Variants in TCF12 observed in about 807,000 individuals in gnomAD.
The protein encoded by TCF12 is DNA-binding protein HTF4.
A neutral mutation model predicts 86.0 loss-of-function variants in TCF12; 45 were observed. The observed-to-expected ratio is 0.52, with a 90% confidence interval of 0.41 to 0.67. TCF12 has a LOEUF of 0.67. TCF12 is among the 30% of genes least tolerant of loss of function. The pLI is 0.00. For missense variants in TCF12, 881 were observed against 859.9 expected (o/e 1.02, Z -0.31); for synonymous variants, 330 against 299.6 (o/e 1.10, Z -1.05).
chr15:57,172,842 T>C (rs1185092980), intron 6 of TCF12, among the ~76,000 whole-genome samples: 2 of 152,014 alleles, frequency 1.3e-5, no homozygotes, highest in Non-Finnish European at 2.9e-5. Flanking sequence ...GACTCATGCC[T>C]GTAACCCCAG....
intron 8 of TCF12, among the ~76,000 whole-genome samples, chr15:57,213,551 G>A (rs2058205084): frequency 6.6e-6 from 1 of 152,102 alleles, no homozygotes; most frequent in Non-Finnish European, 1.5e-5. Context: ...TTTTTGAAAT[G>A]GTTCTGGGCT....
intron 5 of TCF12, among the ~76,000 whole-genome samples, chr15:57,151,070 T>C (rs1185733041): frequency 1.3e-5 from 2 of 151,708 alleles, no homozygotes; most frequent in Non-Finnish European, 2.9e-5. Context: ...CCTTGAACTA[T>C]TGGATCAAGT....
intron 3 of TCF12, among the ~76,000 whole-genome samples, chr15:57,005,101 A>G (rs2064271435): frequency 6.6e-6 from 1 of 152,240 alleles, no homozygotes; most frequent in Admixed American, 6.5e-5. Context: ...TTGAAGACAT[A>G]TGATCAGGGT....
intron 5 of TCF12, among the ~76,000 whole-genome samples, chr15:57,117,702 T>G (rs1443801942): frequency 1.3e-5 from 2 of 152,232 alleles, no homozygotes; most frequent in Non-Finnish European, 2.9e-5. Flanking sequence ...TTTTCTGTTA[T>G]TGGTAAATTA....
intron 13 of TCF12, chr15:57,247,896 A>G (rs2059934684): frequency 2.6e-6 from 2 of 762,772 alleles, no homozygotes; most frequent in Non-Finnish European, 4.8e-6. Context: ...TGTCTCTTAA[A>G]CTATCATCTG....
At chr15:56,995,558 T>A (rs1193187536) in intron 3 of TCF12, among the ~76,000 whole-genome samples, 3 of 152,096 alleles carry the variant, frequency 2.0e-5, no homozygotes, top group African/African-American at 7.2e-5. Context: ...CTAGATATTT[T>A]ATTTTTGTGG....
At chr15:57,150,498 AT>A (rs1223188694) in intron 5 of TCF12, among the ~76,000 whole-genome samples, 1 of 152,190 alleles carries the variant, frequency 6.6e-6, no homozygotes, top group African/African-American at 2.4e-5. Flanking sequence ...GAGCAAACTG[AT>A]TCCAAGTCAC....
At chr15:57,154,231 C>A (rs896761198) in intron 5 of TCF12, among the ~76,000 whole-genome samples, 1 of 152,096 alleles carries the variant, frequency 6.6e-6, no homozygotes, top group East Asian at 1.9e-4. Context: ...AGAATAGGGT[C>A]TTCGCTAGAT....
intron 3 of TCF12, among the ~76,000 whole-genome samples, chr15:56,998,911 A>G (rs2063861026): frequency 6.6e-6 from 1 of 152,214 alleles, no homozygotes. Context: ...CTTAGAAATT[A>G]GACATGGCTG....
At chr15:57,197,450 A>G (rs2057329154) in intron 7 of TCF12, among the ~76,000 whole-genome samples, 1 of 152,116 alleles carries the variant, frequency 6.6e-6, no homozygotes, top group South Asian at 2.1e-4. Context: ...GAGCCACCAC[A>G]TCCGGCCGAA....
intron 13 of TCF12, chr15:57,247,378 A>T: frequency 3.0e-6 from 2 of 660,586 alleles, no homozygotes; most frequent in South Asian, 3.2e-5. Context: ...AGTTTCCTCC[A>T]TAATAAAATT....
At chr15:57,185,786 G>A (rs1220072680) in intron 6 of TCF12, among the ~76,000 whole-genome samples, 4 of 152,146 alleles carry the variant, frequency 2.6e-5, no homozygotes, top group Non-Finnish European at 5.9e-5. Flanking sequence ...GGAGACTGAG[G>A]TAGGAAGATC....
intron 5 of TCF12, among the ~76,000 whole-genome samples, chr15:57,159,012 T>C (rs1293995974): frequency 3.3e-5 from 5 of 152,244 alleles, no homozygotes; most frequent in Non-Finnish European, 4.4e-5. Flanking sequence ...AAAAATCTGG[T>C]CAATTAAGAT....
intron 3 of TCF12, among the ~76,000 whole-genome samples, chr15:56,976,105 T>C (rs1371592734): frequency 2.0e-5 from 3 of 151,956 alleles, no homozygotes; most frequent in Non-Finnish European, 2.9e-5. Context: ...TGGAGGATGC[T>C]AATGAAACAG....
Position 57,218,001 on chromosome 15 carries a change from G to C in TCF12, c.580-13151G>C, listed in dbSNP as rs533582098. On this transcript the variant is annotated intron_variant, in intron 8 of 20. Transcript: ENST00000333725. ...GCTTAGCCTTTTCTATATCTGGAGA[G>C]TGTGGGGAGGTTTTATTGTTGTTCC... is the stretch of plus-strand genomic sequence containing the variant. 5.9e-5 allele frequency among the ~76,000 whole-genome samples: 9 copies of C among 152,280 alleles called. No individual in the cohort carries two copies. The East Asian group carries it at 1.7e-3, about 29-fold the overall frequency.
At chr15:57,215,414 G>A (rs773531525) in intron 8 of TCF12, among the ~76,000 whole-genome samples, 4 of 152,162 alleles carry the variant, frequency 2.6e-5, no homozygotes, top group Non-Finnish European at 4.4e-5. Context: ...ATTACTTACC[G>A]AGTTCATCCT....
At chr15:57,024,967 A>G (rs1371968952) in intron 3 of TCF12, among the ~76,000 whole-genome samples, 2 of 152,152 alleles carry the variant, frequency 1.3e-5, no homozygotes, top group African/African-American at 2.4e-5. Context: ...TGGCTTATTC[A>G]TTGTATTTTT....
intron 4 of TCF12, among the ~76,000 whole-genome samples, chr15:57,074,360 T>TA (rs35606687): frequency 3.5e-4 from 39 of 110,646 alleles, no homozygotes; most frequent in African/African-American, 7.2e-4. Context: ...CCATTTTGAT[T>TA]AAAAAAAAAA....
intron 3 of TCF12, among the ~76,000 whole-genome samples, chr15:57,009,154 G>A (rs1264745645): frequency 2.0e-5 from 3 of 151,992 alleles, no homozygotes; most frequent in African/African-American, 7.3e-5. Flanking sequence ...TGTCACTCAC[G>A]CTGTAGTGCA....
Sources: allele counts gnomAD v4.1 joint callset (sites outside exome capture counted in the v4.1 genomes callset), GRCh38; gene constraint gnomAD v4.1.1; transcripts MANE v1.5; gene names NCBI Gene and HGNC (gene_info 2026-07-23, HGNC 2026-07-21).